Variants in TSNARE1 observed in about 807,000 individuals in gnomAD.
TSNARE1 encodes the protein t-SNARE domain-containing protein 1.
TSNARE1 carries 49 observed loss-of-function variants against 62.0 expected under a neutral mutation model. That is an observed-to-expected ratio of 0.79 (90% CI 0.63 to 1.00). The LOEUF (loss-of-function observed/expected upper bound fraction) is 1.00. TSNARE1 is among the 50% of genes least tolerant of loss of function. TSNARE1 has a pLI of 0.00. For synonymous variants in TSNARE1, 328 were observed against 294.4 expected (o/e 1.11, Z -1.17); for missense variants, 755 against 700.1 (o/e 1.08, Z -0.88).
chr8:142,305,634 C>T (rs575674724), intron 9 of TSNARE1, among the ~76,000 whole-genome samples: 5 of 152,306 alleles, frequency 3.3e-5, no homozygotes, highest in South Asian at 2.1e-4. Context: ...GGTCCCTCCG[C>T]GGCCTCCTCC....
intron 13 of TSNARE1, among the ~76,000 whole-genome samples, chr8:142,213,340 G>A (rs1362801694): frequency 6.8e-6 from 1 of 147,244 alleles, no homozygotes; most frequent in Admixed American, 6.8e-5. Flanking sequence ...CTGGGGAGCA[G>A]GCCACTTGCT....
intron 1 of TSNARE1, among the ~76,000 whole-genome samples, chr8:142,389,553 C>T (rs1020975252): frequency 3.3e-5 from 5 of 152,146 alleles, no homozygotes; most frequent in African/African-American, 1.2e-4. Context: ...AGGAAAAGAT[C>T]GAAAGTCACC....
At chr8:142,223,919 G>T (rs35086622) in intron 13 of TSNARE1, among the ~76,000 whole-genome samples, 71,349 of 122,858 alleles carry the variant, frequency 0.58, 17,176 homozygotes, top group East Asian at 0.66. Context: ...GAGAAACCTG[G>T]ACAATGCCAC....
chr8:142,300,184 T>G (rs1042712518), intron 10 of TSNARE1: 13 of 276,298 alleles, frequency 4.7e-5, no homozygotes, highest in Non-Finnish European at 6.8e-5. Context: ...GCAAATGAAA[T>G]GGCCATGGTG....
chr8:142,227,097 C>T (rs966788856), intron 13 of TSNARE1, among the ~76,000 whole-genome samples: 1 of 146,340 alleles, frequency 6.8e-6, no homozygotes, highest in African/African-American at 2.6e-5. Flanking sequence ...AGGAACCCCA[C>T]TGCACCCACA....
At chr8:142,406,828 GAC>G (rs1342428947), upstream of TSNARE1, 2 of 152,358 alleles carry the variant, frequency 1.3e-5, no homozygotes, top group East Asian at 3.9e-4. Context: ...GTCATGAGGG[GAC>G]ACGTGGGAGT....
At chr8:142,226,072 G>A (rs908562820) in intron 13 of TSNARE1, among the ~76,000 whole-genome samples, 7 of 152,126 alleles carry the variant, frequency 4.6e-5, no homozygotes, top group African/African-American at 1.7e-4. Flanking sequence ...ACCATAACCC[G>A]TTAAGACCTT....
At chr8:142,252,564 G>A (rs1472565354) in intron 12 of TSNARE1, among the ~76,000 whole-genome samples, 6 of 152,240 alleles carry the variant, frequency 3.9e-5, no homozygotes, top group Admixed American at 1.3e-4. Flanking sequence ...TCTTCCTAAA[G>A]CTCCAGGCGA....
chr8:142,299,370 A>G lies in TSNARE1; in HGVS notation c.1290+1116T>C, dbSNP rs181613301. On this transcript the variant is annotated intron_variant, in intron 10 of 13. Coordinates refer to ENST00000524325, the MANE Select transcript of TSNARE1 (RefSeq NM_145003.5). ...ATTACTGCCAGGCCTCTGCTTTTCTAGAAGAGTCAGCTCTTAGCAGACATT... is the reference window on the plus strand; with the variant it reads ...ATTACTGCCAGGCCTCTGCTTTTCTGGAAGAGTCAGCTCTTAGCAGACATT... Among the ~76,000 whole-genome samples, 499 of 152,350 alleles carry G rather than the reference A, an allele frequency of 3.3e-3. 6 individuals carry two copies. The highest frequency in any genetic ancestry group is 3.1e-3 in the Non-Finnish European group (214 of 68,040).
At chr8:142,348,898 G>A (rs76077497) in intron 2 of TSNARE1, among the ~76,000 whole-genome samples, 1,665 of 152,214 alleles carry the variant, frequency 0.011, 14 homozygotes, top group Non-Finnish European at 0.015. Context: ...GTGACACGAC[G>A]GCCCTAAGGT....
chr8:142,382,141 G>A (rs1420020581), intron 1 of TSNARE1, among the ~76,000 whole-genome samples: 1 of 152,190 alleles, frequency 6.6e-6, no homozygotes, highest in South Asian at 2.1e-4. Context: ...TGGCATGTGT[G>A]AGCGTGTGTG....
At chr8:142,240,548 T>A (rs1282400616) in intron 12 of TSNARE1, among the ~76,000 whole-genome samples, 1 of 152,220 alleles carries the variant, frequency 6.6e-6, no homozygotes, top group Non-Finnish European at 1.5e-5. Flanking sequence ...GAATGCACAT[T>A]CTTCTCAGGC....
intron 1 of TSNARE1, among the ~76,000 whole-genome samples, chr8:142,386,344 A>G (rs1171369963): frequency 6.6e-6 from 1 of 152,220 alleles, no homozygotes; most frequent in Non-Finnish European, 1.5e-5. Flanking sequence ...TATGAATTAC[A>G]TAAGATACTA....
chr8:142,320,403 TC>T (rs1829308986), intron 6 of TSNARE1, among the ~76,000 whole-genome samples: 1 of 136,168 alleles, frequency 7.3e-6, no homozygotes, highest in African/African-American at 2.9e-5. Flanking sequence ...CAACTTCACC[TC>T]CCCACACCAC....
At chr8:142,361,900 G>A (rs890543869) in intron 1 of TSNARE1, among the ~76,000 whole-genome samples, 2 of 152,212 alleles carry the variant, frequency 1.3e-5, no homozygotes, top group African/African-American at 4.8e-5. Context: ...CCCACCACAG[G>A]GAGAAACCAC....
At chr8:142,399,308 G>A (rs6583623) in intron 1 of TSNARE1, among the ~76,000 whole-genome samples, 30,383 of 152,178 alleles carry the variant, frequency 0.2, 3,140 homozygotes, top group East Asian at 0.28. Context: ...AACCCCTCAC[G>A]TCTTCAGCAA....
At chr8:142,225,591 G>A (rs11787519) in intron 13 of TSNARE1, among the ~76,000 whole-genome samples, 48,257 of 152,144 alleles carry the variant, frequency 0.32, 8,592 homozygotes, top group Non-Finnish European at 0.4. Flanking sequence ...GGGTGCAGCT[G>A]GGCCGCCACA....
chr8:142,303,500 C>T (rs1213030109), intron 9 of TSNARE1, among the ~76,000 whole-genome samples: 5 of 152,234 alleles, frequency 3.3e-5, no homozygotes, highest in African/African-American at 9.6e-5. Flanking sequence ...ACACAGGAGA[C>T]GGAGGGCTCC....
chr8:142,331,065 G>A (rs1830960486), intron 5 of TSNARE1, 95 bp from the exon 6 acceptor site: 4 of 1,134,550 alleles, frequency 3.5e-6, no homozygotes, highest in East Asian at 4.9e-5. Flanking sequence ...CGGGCAGGGT[G>A]AGCAGAGCCC....
Sources: allele counts gnomAD v4.1 joint callset (sites outside exome capture counted in the v4.1 genomes callset), GRCh38; gene constraint gnomAD v4.1.1; transcripts MANE v1.5; gene names NCBI Gene and HGNC (gene_info 2026-07-23, HGNC 2026-07-21).